Variants in ARHGAP31 observed in about 807,000 individuals in gnomAD.
ARHGAP31 encodes rho GTPase-activating protein 31.
Under a neutral mutation model 113.9 loss-of-function variants are expected in ARHGAP31, and 34 were observed. The ratio of observed to expected loss-of-function variants is 0.30; its 90% CI spans 0.23 to 0.40. The LOEUF (loss-of-function observed/expected upper bound fraction) is 0.40, where lower values mean the gene tolerates loss of function less well. ARHGAP31 is among the 10% of genes least tolerant of loss of function. The pLI, the probability that ARHGAP31 is intolerant of heterozygous loss-of-function variation, is 1.00. For synonymous variants in ARHGAP31, 650 were observed against 684.8 expected (o/e 0.95, Z 0.79); for missense variants, 1,548 against 1,767.1 (o/e 0.88, Z 2.22).
At position 119,401,956 on chromosome 3, in the gene ARHGAP31, G is replaced by A. The variant is rs759956423; in HGVS notation, c.1204G>A (p.Gly402Arg). 1 of 1,614,140 alleles carries A rather than the reference G, an allele frequency of 6.2e-7. No individual in the cohort carries two copies. The highest frequency in any genetic ancestry group is 8.5e-7 in the Non-Finnish European group (1 of 1,180,022). ...GCAGGAGGGCGAATGGGGCCAGGAG[G>A]GGATGCCTCCCGGGGCTGAGGGTGG... is the stretch of plus-strand genomic sequence containing the variant. ...TKQEGEWGQE[G>R]MPPGAEGGFD... Residue 402 changes from glycine to arginine, a missense_variant, in exon 10 of 12, where the codon GGG becomes AGG. Physicochemically the swap from Gly to Arg is moderately radical, Grantham distance 125 (BLOSUM62 -2). Transcript: ENST00000264245.
intron 6 of ARHGAP31, 77 bp from the exon 7 acceptor site, chr3:119,390,708 G>C (rs1169652042): frequency 2.7e-6 from 4 of 1,471,270 alleles, no homozygotes; most frequent in Middle Eastern, 2.4e-4. Context: ...AAGAATGGAG[G>C]GACTGTGGAT....
At chr3:119,387,282 G>A (rs2080461272) in intron 6 of ARHGAP31, among the ~76,000 whole-genome samples, 1 of 152,290 alleles carries the variant, frequency 6.6e-6, no homozygotes, top group Middle Eastern at 3.4e-3. Context: ...TCGCACTCTT[G>A]TCTTCTGGTC....
chr3:119,383,246 T>C lies in ARHGAP31; in HGVS notation c.682+20T>C, dbSNP rs759183962. 3 of 1,613,896 alleles carry C rather than the reference T, an allele frequency of 1.9e-6. No homozygotes were observed. Among genetic ancestry groups the C allele is most frequent in the South Asian group, 1.1e-5 (1 of 91,084 alleles). On this transcript the variant is annotated intron_variant, in intron 6 of 11. Transcript: ENST00000264245. Reference sequence around the variant, plus strand: ...ATGATGGTAAGGACTCCTCCTAGCATACACTCCACCAGCTTATCCTTCTTT... The same window carrying C: ...ATGATGGTAAGGACTCCTCCTAGCACACACTCCACCAGCTTATCCTTCTTT...
At position 119,415,089 on chromosome 3, in the gene ARHGAP31, A is replaced by C. The variant is rs773232425; in HGVS notation, c.3160A>C (p.Ser1054Arg). 27 of 1,614,110 alleles carry C rather than the reference A, an allele frequency of 1.7e-5. No homozygotes were observed. In the South Asian group the frequency reaches 2.9e-4, roughly 17 times the overall value. ...GCTAGGGACACACCTGGGGCACAGC[A>C]GTCCACAGATTAGGCAAGGTGGTGT... The part of the protein sequence containing the change: ...KELGTHLGHS[S>R]PQIRQGGVPG... Residue 1054 changes from serine to arginine, a missense_variant, in exon 12 of 12, where the codon AGT becomes CGT. By Grantham distance (110) the Ser-to-Arg change is moderately radical. Transcript: ENST00000264245.
At chr3:119,358,782 A>C (rs1299115431) in intron 1 of ARHGAP31, among the ~76,000 whole-genome samples, 2 of 152,212 alleles carry the variant, frequency 1.3e-5, no homozygotes, top group Non-Finnish European at 2.9e-5. Context: ...GGAAATGTCC[A>C]AAACGGGCAA....
At chr3:119,404,495 G>C (rs56902525) in intron 10 of ARHGAP31, among the ~76,000 whole-genome samples, 2,340 of 152,300 alleles carry the variant, frequency 0.015, 64 homozygotes, top group African/African-American at 0.054. Flanking sequence ...CCTGCTCTCT[G>C]ACGGGGTGAG....
At chr3:119,370,716 C>G (rs1431303686) in intron 3 of ARHGAP31, among the ~76,000 whole-genome samples, 1 of 152,176 alleles carries the variant, frequency 6.6e-6, no homozygotes, top group Admixed American at 6.5e-5. Context: ...AGCATTCTCT[C>G]TATGTGCCAT....
chr3:119,310,625 C>G (rs1363372612), intron 1 of ARHGAP31, among the ~76,000 whole-genome samples: 1 of 152,136 alleles, frequency 6.6e-6, no homozygotes. Context: ...AAGAATCTAC[C>G]TAATGCCTGA....
chr3:119,410,100 A>G (rs1353262470), intron 11 of ARHGAP31, among the ~76,000 whole-genome samples: 1 of 152,126 alleles, frequency 6.6e-6, no homozygotes, highest in Non-Finnish European at 1.5e-5. Context: ...GCAGCACAAG[A>G]CCTGCTTGTC....
chr3:119,393,734 A>C, intron 8 of ARHGAP31, 143 bp downstream of exon 8: 1 of 1,233,698 alleles, frequency 8.1e-7, no homozygotes, highest in African/African-American at 1.5e-5. Flanking sequence ...GTCTTTTTTC[A>C]AAACATTTTA....
At chr3:119,307,926 G>A (rs1191716625) in intron 1 of ARHGAP31, among the ~76,000 whole-genome samples, 1 of 30,664 alleles carries the variant, frequency 3.3e-5, no homozygotes, top group African/African-American at 1.1e-4. Context: ...GTGAATCCAA[G>A]TATGAATTAA....
intron 1 of ARHGAP31, among the ~76,000 whole-genome samples, chr3:119,340,272 T>C (rs2107612080): frequency 6.6e-6 from 1 of 152,344 alleles, no homozygotes; most frequent in East Asian, 1.9e-4. Flanking sequence ...ATGGCACACA[T>C]GAAGGGTCTA....
chr3:119,380,765 TA>T, intron 3 of ARHGAP31, 138 bp from the exon 4 acceptor site: 1 of 741,374 alleles, frequency 1.3e-6, no homozygotes, highest in Admixed American at 2.0e-5. Flanking sequence ...GTTTTCATAG[TA>T]AAGCATGCCT....
intron 1 of ARHGAP31, among the ~76,000 whole-genome samples, chr3:119,355,173 T>A (rs903713259): frequency 6.6e-6 from 1 of 152,230 alleles, no homozygotes; most frequent in African/African-American, 2.4e-5. Context: ...TGGGTTTGGA[T>A]CCCAACTCTG....
At chr3:119,299,558 G>A (rs185099078) in intron 1 of ARHGAP31, among the ~76,000 whole-genome samples, 2 of 152,300 alleles carry the variant, frequency 1.3e-5, no homozygotes, top group African/African-American at 4.8e-5. Context: ...AAGGCAACGG[G>A]AACTTTTAGA....
intron 1 of ARHGAP31, among the ~76,000 whole-genome samples, chr3:119,360,073 T>A (rs1484670304): frequency 6.6e-6 from 1 of 152,186 alleles, no homozygotes; most frequent in Non-Finnish European, 1.5e-5. Flanking sequence ...TTGTCATTCC[T>A]CCCTCCTGCC....
chr3:119,334,592 G>A lies in ARHGAP31; in HGVS notation c.101-30724G>A, dbSNP rs1252363449. ...AGTTGGGGCACCTTAAGAGTAGAAG[G>A]GAGTGCTGTTAATAATTTCATCTGC... On this transcript the variant is annotated intron_variant, in intron 1 of 11. Coordinates refer to ENST00000264245, the MANE Select transcript of ARHGAP31 (RefSeq NM_020754.4). 3.9e-5 allele frequency among the ~76,000 whole-genome samples: 6 copies of A among 152,262 alleles called. No homozygotes were observed. The East Asian group carries it at 7.7e-4, about 20-fold the overall frequency.
chr3:119,310,097 A>G (rs1279636331), intron 1 of ARHGAP31, among the ~76,000 whole-genome samples: 2 of 152,228 alleles, frequency 1.3e-5, no homozygotes, highest in Non-Finnish European at 2.9e-5. Flanking sequence ...CCGTCACACT[A>G]CACGGTCCCT....
intron 10 of ARHGAP31, among the ~76,000 whole-genome samples, chr3:119,404,746 G>C (rs142664242): frequency 6.6e-6 from 1 of 152,296 alleles, no homozygotes. Flanking sequence ...CGAGTAAGTA[G>C]TGCATTTTAA....
Sources: allele counts gnomAD v4.1 joint callset (sites outside exome capture counted in the v4.1 genomes callset), GRCh38; gene constraint gnomAD v4.1.1; transcripts MANE v1.5; gene names NCBI Gene and HGNC (gene_info 2026-07-23, HGNC 2026-07-21).